NTRK3: variants seen among roughly 807,000 people sequenced by gnomAD.
The protein encoded by NTRK3 is neurotrophic receptor tyrosine kinase 3, also known as NT-3 growth factor receptor.
Under a neutral mutation model 91.7 loss-of-function variants are expected in NTRK3, and 24 were observed. The ratio of observed to expected loss-of-function variants is 0.26; its 90% CI spans 0.19 to 0.37. The LOEUF (loss-of-function observed/expected upper bound fraction) is 0.37, where lower values mean the gene tolerates loss of function less well. Among genes scored for constraint, NTRK3 ranks in the 10% least tolerant of loss-of-function variants. NTRK3 has a pLI of 1.00. For missense variants in NTRK3, 880 were observed against 1,068.9 expected (o/e 0.82, Z 2.46); for synonymous variants, 483 against 404.0 (o/e 1.20, Z -2.34).
chr15:87,878,626 AGGTTTGTTGATTTCCAT>A (rs2065064540), intron 18 of NTRK3, among the ~76,000 whole-genome samples: 2 of 152,238 alleles, frequency 1.3e-5, no homozygotes, highest in South Asian at 4.1e-4. Context: ...TGGACTATCC[AGGTTTGTTGATTTCCAT>A]GGAGAAACCG....
intron 13 of NTRK3, among the ~76,000 whole-genome samples, chr15:88,053,970 T>G (rs1012646213): frequency 1.2e-4 from 19 of 152,198 alleles, no homozygotes; most frequent in African/African-American, 4.1e-4. Flanking sequence ...ATAGAAAGGT[T>G]TGCTCTCTTC....
chr15:88,184,231 T>A (rs1359248244), exon 4 of NTRK3: 1 of 1,614,126 alleles, frequency 6.2e-7, no homozygotes, highest in Non-Finnish European at 8.5e-7. Context: ...TCACAGCTTT[T>A]GAAGTCCGGT....
At chr15:88,030,305 C>T (rs1488119566) in intron 14 of NTRK3, among the ~76,000 whole-genome samples, 1 of 152,312 alleles carries the variant, frequency 6.6e-6, no homozygotes. Context: ...AGACTTCCTC[C>T]ACATGGTTTG....
At chr15:88,072,003 T>A (rs1182755295) in intron 13 of NTRK3, among the ~76,000 whole-genome samples, 2 of 146,960 alleles carry the variant, frequency 1.4e-5, no homozygotes, top group Non-Finnish European at 3.0e-5. Context: ...AAATCAAACA[T>A]CTTTTTTTTT....
chr15:88,140,020 A>G (rs111946821), intron 6 of NTRK3, among the ~76,000 whole-genome samples: 1,581 of 152,302 alleles, frequency 0.01, 27 homozygotes, highest in African/African-American at 0.035. Flanking sequence ...AAGGCTTAGC[A>G]GGACAGAAAA....
At chr15:88,206,589 C>T (rs1397375289) in intron 3 of NTRK3, among the ~76,000 whole-genome samples, 1 of 138,426 alleles carries the variant, frequency 7.2e-6, no homozygotes, top group African/African-American at 2.7e-5. Context: ...ACCCGGGAGG[C>T]GGAGCTTGCA....
chr15:88,093,063 T>A lies in NTRK3; in HGVS notation c.1396+33208A>T, dbSNP rs1234659424. On this transcript the variant is annotated intron_variant, in intron 13 of 18. Transcript: ENST00000394480. The stretch of plus-strand genomic sequence containing the variant: ...TTTTTTTTTGGCTTTGGGGTTTTTT[T>A]TGTTTTTTTTGTTTTTTTTTTTTTG... Among the ~76,000 whole-genome samples, 7 of 151,212 alleles carry A rather than the reference T, an allele frequency of 4.6e-5. No homozygotes were observed. In the East Asian group the frequency reaches 1.4e-3, roughly 30 times the overall value.
At chr15:88,097,633 G>C (rs1206104960) in intron 13 of NTRK3, among the ~76,000 whole-genome samples, 1 of 152,214 alleles carries the variant, frequency 6.6e-6, no homozygotes, top group Non-Finnish European at 1.5e-5. Context: ...AATAGTATTT[G>C]TAACTTAAGT....
chr15:88,044,110 C>T (rs1596943135), intron 13 of NTRK3, among the ~76,000 whole-genome samples: 1 of 152,106 alleles, frequency 6.6e-6, no homozygotes, highest in East Asian at 1.9e-4. Context: ...CTGTACTGGG[C>T]TCTGTGTGAT....
intron 17 of NTRK3, chr15:87,916,337 G>T: frequency 3.7e-5 from 15 of 405,134 alleles, no homozygotes; most frequent in East Asian, 6.9e-5. Context: ...TTTTGCACTT[G>T]AGGAAGGAAA....
chr15:88,101,511 T>C (rs2050170570), intron 13 of NTRK3, among the ~76,000 whole-genome samples: 1 of 152,208 alleles, frequency 6.6e-6, no homozygotes, highest in African/African-American at 2.4e-5. Context: ...GCCATCCCAT[T>C]ACTGGGTATA....
At position 87,888,397 on chromosome 15, in the gene NTRK3, G is replaced by C. The variant is rs559644140; in HGVS notation, c.2134-7969C>G. Among the ~76,000 whole-genome samples the C allele has an allele frequency of 8.9e-4, 135 of 152,254 alleles. No homozygotes were observed. In the South Asian group the frequency reaches 0.012, roughly 14 times the overall value. On this transcript the variant is annotated intron_variant, in intron 17 of 18. Coordinates refer to ENST00000394480, the Ensembl canonical transcript of NTRK3. ...TTCCAGATTTTGTGTAGAGAGACAA[G>C]AGGTACCTGATCAACTCAGGCTTTA...
At chr15:88,033,775 C>T (rs1455718305) in intron 13 of NTRK3, among the ~76,000 whole-genome samples, 2 of 152,182 alleles carry the variant, frequency 1.3e-5, no homozygotes, top group Non-Finnish European at 2.9e-5. Context: ...CTGGCATAAA[C>T]TATTTTCACT....
rs2051956571 is a variant in NTRK3 at position 88,237,957 on chromosome 15, G to A, written c.248+17949C>T. The stretch of plus-strand genomic sequence containing the variant: ...AGTACCTCGGAATGTAACTGTATTT[G>A]GAGATAGGGTCTTTAAAGAAGTAAT... On this transcript the variant is annotated intron_variant, in intron 3 of 18. Coordinates refer to ENST00000394480, the Ensembl canonical transcript of NTRK3. This position sits in a 1 kb window ranked among gnomAD's most constrained non-coding sequence, Gnocchi z 4.0. Among the ~76,000 whole-genome samples, 1 of 152,156 alleles carries A rather than the reference G, an allele frequency of 6.6e-6. No individual in the cohort carries two copies. The highest frequency in any genetic ancestry group is 2.4e-5 in the African/African-American group (1 of 41,430).
chr15:87,999,457 T>C (rs2075945502), intron 14 of NTRK3, among the ~76,000 whole-genome samples: 1 of 152,238 alleles, frequency 6.6e-6, no homozygotes, highest in African/African-American at 2.4e-5. Context: ...TTCATCTTTG[T>C]TGCATTACAT....
chr15:88,228,868 T>C (rs1444778142), intron 3 of NTRK3, among the ~76,000 whole-genome samples: 3 of 152,254 alleles, frequency 2.0e-5, no homozygotes, highest in African/African-American at 7.2e-5. Context: ...TCAGCCTCCC[T>C]GGCAACAAGG....
At chr15:88,190,527 G>A (rs181873451) in intron 3 of NTRK3, among the ~76,000 whole-genome samples, 7 of 152,252 alleles carry the variant, frequency 4.6e-5, no homozygotes, top group South Asian at 2.1e-4. Context: ...CTATTCCAAC[G>A]GTTATCGCAT....
intron 6 of NTRK3, among the ~76,000 whole-genome samples, chr15:88,141,714 G>A (rs1340512733): frequency 6.6e-6 from 1 of 152,256 alleles, no homozygotes; most frequent in Non-Finnish European, 1.5e-5. Context: ...CTGCACTGCT[G>A]CACATCCCAG....
At chr15:88,035,649 T>C (rs1171078664) in intron 13 of NTRK3, among the ~76,000 whole-genome samples, 1 of 152,048 alleles carries the variant, frequency 6.6e-6, no homozygotes, top group Admixed American at 6.5e-5. Flanking sequence ...TTCCTAAATA[T>C]GAAGAAGCAG....
Sources: gnomAD v4.1 joint callset for allele counts (sites outside exome capture counted in the v4.1 genomes callset) on GRCh38, gnomAD v4.1.1 for gene constraint, Gnocchi (gnomAD v3.1) non-coding constraint, MANE v1.5 for transcripts, NCBI Gene and HGNC (gene_info 2026-07-23, HGNC 2026-07-21) for gene names.